The following HHAT variants were observed in gnomAD, a reference collection of about 807,000 sequenced individuals.
HHAT encodes the protein hedgehog acyltransferase.
In HHAT, 47 loss-of-function variants were observed where a neutral mutation model predicts 70.8. The ratio of observed to expected loss-of-function variants is 0.66; its 90% CI spans 0.53 to 0.85. The LOEUF is 0.85. Ranked by LOEUF, HHAT falls within the 40% of genes least tolerant of loss-of-function variation. HHAT has a pLI of 0.00. For synonymous variants in HHAT, 228 were observed against 247.6 expected (o/e 0.92, Z 0.74); for missense variants, 609 against 604.8 (o/e 1.01, Z -0.07).
rs745389003 is a variant in HHAT, at chr1:210,400,614, TCTC to T, written c.430_432del (p.Leu144del). The T allele has an allele frequency of 6.8e-6, 11 of 1,613,894 alleles. No individual in the cohort carries two copies. Among genetic ancestry groups the T allele is most frequent in the East Asian group, 2.2e-5 (1 of 44,876 alleles). On this transcript the variant is annotated inframe_deletion, in exon 5 of 12. Coordinates refer to ENST00000261458, the MANE Select transcript of HHAT (RefSeq NM_018194.6). Reference sequence around the variant, plus strand: ...CTCAGCTCCTGACGTGGCTCTGTTCTCTCCTCCTCCTCTCCACACTGAGGCTGC... The same window carrying T: ...CTCAGCTCCTGACGTGGCTCTGTTCTCTCCTCCTCTCCACACTGAGGCTGC...
chr1:210,478,769 A>G (rs557869028), intron 8 of HHAT, among the ~76,000 whole-genome samples: 1 of 152,196 alleles, frequency 6.6e-6, no homozygotes, highest in African/African-American at 2.4e-5. Context: ...TTCTTGTGTG[A>G]GTTTGTCATA....
intron 9 of HHAT, among the ~76,000 whole-genome samples, chr1:210,559,119 G>A (rs1416453744): frequency 6.6e-6 from 1 of 152,170 alleles, no homozygotes. Context: ...GACTTATAAG[G>A]CAGAATCCAT....
chr1:210,479,941 C>T (rs1022891761), intron 8 of HHAT, among the ~76,000 whole-genome samples: 1 of 152,168 alleles, frequency 6.6e-6, no homozygotes, highest in African/African-American at 2.4e-5. Context: ...TCTGTCACCT[C>T]GGTCAAGGTA....
At chr1:210,512,169 C>G (rs999560773) in intron 8 of HHAT, among the ~76,000 whole-genome samples, 1 of 152,162 alleles carries the variant, frequency 6.6e-6, no homozygotes, top group African/African-American at 2.4e-5. Context: ...GGCTCCCCAG[C>G]TAGCGCATGG....
chr1:210,423,727 G>A lies in HHAT; in HGVS notation c.856+5402G>A, dbSNP rs562133782. 1.9e-3 allele frequency among the ~76,000 whole-genome samples: 294 copies of A among 152,232 alleles called. 3 individuals are homozygous for A. The highest frequency in any genetic ancestry group is 6.8e-3 in the African/African-American group (283 of 41,550). The stretch of plus-strand genomic sequence containing the variant: ...CTTTGATCCATTTTGAGGGTGAGAG[G>A]TGGGGGTCTGGTTCCATTCTTCTGC... On this transcript the variant is annotated intron_variant, in intron 7 of 11. Transcript: ENST00000261458.
chr1:210,503,345 C>T (rs769152468), intron 8 of HHAT, among the ~76,000 whole-genome samples: 4 of 152,192 alleles, frequency 2.6e-5, no homozygotes, highest in Non-Finnish European at 4.4e-5. Flanking sequence ...GAACAGGACA[C>T]AGTAGGTGAG....
intron 11 of HHAT, among the ~76,000 whole-genome samples, chr1:210,626,293 C>CG (rs1229986713): frequency 4.6e-5 from 7 of 152,170 alleles, no homozygotes; most frequent in Non-Finnish European, 8.8e-5. Context: ...TCTGAAAACC[C>CG]GGTCTGCTGC....
chr1:210,459,275 C>G (rs2093931277), intron 7 of HHAT, among the ~76,000 whole-genome samples: 2 of 152,272 alleles, frequency 1.3e-5, no homozygotes, highest in Admixed American at 1.3e-4. Flanking sequence ...CTTAAAAATC[C>G]TCAGAGCTGA....
chr1:210,345,368 A>G (rs1159623500), intron 1 of HHAT, among the ~76,000 whole-genome samples: 2 of 152,236 alleles, frequency 1.3e-5, no homozygotes, highest in African/African-American at 2.4e-5. Context: ...ATGTAGTATG[A>G]AAGCGCTCAG....
At chr1:210,539,138 T>C (rs1202117275) in intron 9 of HHAT, among the ~76,000 whole-genome samples, 1 of 151,940 alleles carries the variant, frequency 6.6e-6, no homozygotes, top group Non-Finnish European at 1.5e-5. Context: ...ATTTTTGAAT[T>C]ATGGAACAAA....
In HHAT at chr1:210,362,707, G is replaced by A. The variant is rs983309986; in HGVS notation, c.92-145G>A. On this transcript the variant is annotated intron_variant, in intron 2 of 11. Coordinates refer to ENST00000261458, the MANE Select transcript of HHAT (RefSeq NM_018194.6). The stretch of plus-strand genomic sequence containing the variant: ...ACAGAACACTGGAAAGCAAGGTCAA[G>A]GAGTGTGGTATGTTTCCGTGCCTGC... 9 of 643,368 alleles carry A rather than the reference G, an allele frequency of 1.4e-5. No individual in the cohort carries two copies. The African/African-American group carries it at 1.6e-4, about 12-fold the overall frequency. 39.9% of individuals were successfully genotyped at this position (643,368 alleles called of 1,614,324 possible).
In HHAT at chr1:210,585,318, T is replaced by C. The variant is rs75226885; in HGVS notation, c.1044-2580T>C. On this transcript the variant is annotated intron_variant, in intron 9 of 11. Coordinates refer to ENST00000261458, the MANE Select transcript of HHAT (RefSeq NM_018194.6). ...CTGGAACACATTTGAGAGTGGAGGA[T>C]GTTAAAGAAAAACCAGAGATAGGTA... Among the ~76,000 whole-genome samples the C allele has an allele frequency of 9.2e-3, 1,393 of 152,180 alleles. 29 individuals are homozygous for C. The highest frequency in any genetic ancestry group is 0.032 in the African/African-American group (1,340 of 41,508).
intron 11 of HHAT, among the ~76,000 whole-genome samples, chr1:210,643,832 G>T (rs1673457343): frequency 6.6e-6 from 1 of 151,718 alleles, no homozygotes; most frequent in Non-Finnish European, 1.5e-5. Flanking sequence ...TTACACAGAT[G>T]AGCCAGTGGT....
chr1:210,549,051 C>G (rs2095506872), intron 9 of HHAT, among the ~76,000 whole-genome samples: 1 of 152,238 alleles, frequency 6.6e-6, no homozygotes, highest in South Asian at 2.1e-4. Context: ...CCATTCTTGG[C>G]TCTGCCACTT....
At chr1:210,398,060 G>A (rs1036103472) in intron 4 of HHAT, among the ~76,000 whole-genome samples, 3 of 152,222 alleles carry the variant, frequency 2.0e-5, no homozygotes, top group Non-Finnish European at 4.4e-5. Context: ...GCGCAATGGC[G>A]CGATCTTGGC....
chr1:210,655,288 T>C (rs1284215498), intron 11 of HHAT, among the ~76,000 whole-genome samples: 1 of 152,184 alleles, frequency 6.6e-6, no homozygotes, highest in East Asian at 1.9e-4. Flanking sequence ...AATGCCTCAT[T>C]AGTGATTGTC....
intron 8 of HHAT, among the ~76,000 whole-genome samples, chr1:210,496,230 CTGAT>C (rs1298764010): frequency 6.6e-6 from 1 of 152,060 alleles, no homozygotes; most frequent in Non-Finnish European, 1.5e-5. Flanking sequence ...CCTCGCTGGG[CTGAT>C]CCTCTTCCAG....
intron 11 of HHAT, among the ~76,000 whole-genome samples, chr1:210,637,098 C>T (rs1672003647): frequency 6.6e-6 from 1 of 152,200 alleles, no homozygotes; most frequent in African/African-American, 2.4e-5. Flanking sequence ...TACACAGTTC[C>T]TGGCATGTGA....
chr1:210,460,147 A>G (rs1194802978), intron 7 of HHAT, among the ~76,000 whole-genome samples: 3 of 152,184 alleles, frequency 2.0e-5, no homozygotes, highest in Non-Finnish European at 4.4e-5. Flanking sequence ...GGAAGGTGCC[A>G]GGCCAATGGC....
Sources: allele counts gnomAD v4.1 joint callset (sites outside exome capture counted in the v4.1 genomes callset), GRCh38; gene constraint gnomAD v4.1.1; transcripts MANE v1.5; gene names NCBI Gene and HGNC (gene_info 2026-07-23, HGNC 2026-07-21).